Variants in GALNT16 observed in about 807,000 individuals in gnomAD.
GALNT16 encodes polypeptide N-acetylgalactosaminyltransferase 16, also known as UDP-GalNAc:polypeptide N-acetylgalactosaminyltransferase-like protein 1.
In GALNT16, 40 loss-of-function variants were observed where a neutral mutation model predicts 76.1. The ratio of observed to expected loss-of-function variants is 0.53; its 90% CI spans 0.41 to 0.68. The LOEUF is 0.68. GALNT16 is among the 30% of genes least tolerant of loss of function. The pLI, the probability that GALNT16 is intolerant of heterozygous loss-of-function variation, is 0.00. For synonymous variants in GALNT16, 276 were observed against 285.2 expected, an observed-to-expected ratio of 0.97 and a Z score of 0.32; for missense variants, 621 against 731.9, an observed-to-expected ratio of 0.85 and a Z score of 1.75.
chr14:69,260,555 G>T (rs1243699487), intron 1 of GALNT16, 88 bp downstream of exon 1: 2 of 987,692 alleles, frequency 2.0e-6, no homozygotes, highest in Non-Finnish European at 2.6e-6. Flanking sequence ...GCGGGGCCCG[G>T]CCAGGGCTGA....
intron 1 of GALNT16, among the ~76,000 whole-genome samples, chr14:69,286,943 T>C (rs1315249884): frequency 1.3e-5 from 2 of 152,136 alleles, no homozygotes; most frequent in African/African-American, 4.8e-5. Context: ...CTCCACACAA[T>C]TTGCCCTCTT....
intron 1 of GALNT16, among the ~76,000 whole-genome samples, chr14:69,262,075 G>C (rs79594844): frequency 0.064 from 9,717 of 152,350 alleles, 335 homozygotes; most frequent in Middle Eastern, 0.095. Flanking sequence ...CTCTCCAGGA[G>C]CCCAGGCTGC....
intron 1 of GALNT16, among the ~76,000 whole-genome samples, chr14:69,315,257 C>T (rs1483388684): frequency 6.6e-6 from 1 of 152,178 alleles, no homozygotes; most frequent in Non-Finnish European, 1.5e-5. Flanking sequence ...TAATTCTTCC[C>T]ATTTTATAGA....
At chr14:69,318,053 TCAGGGC>T (rs1432415972) in intron 1 of GALNT16, among the ~76,000 whole-genome samples, 1 of 152,144 alleles carries the variant, frequency 6.6e-6, no homozygotes, top group Non-Finnish European at 1.5e-5. Flanking sequence ...CTTCACTGGC[TCAGGGC>T]CAACTGACAT....
chr14:69,319,603 T>C (rs561858332), intron 1 of GALNT16, among the ~76,000 whole-genome samples: 72 of 152,352 alleles, frequency 4.7e-4, no homozygotes, highest in African/African-American at 1.7e-3. Context: ...GTTCAAGTAA[T>C]GAGATGTCAG....
downstream of GALNT16, among the ~76,000 whole-genome samples, chr14:69,361,631 G>C (rs4902715): frequency 6.6e-6 from 1 of 152,194 alleles, no homozygotes; most frequent in East Asian, 1.9e-4. Context: ...CTGATTCTTA[G>C]AATGGAGGTA....
chr14:69,385,570 C>G, the GALNT16 span, among the ~76,000 whole-genome samples: 4 of 150,718 alleles, frequency 2.7e-5, no homozygotes, highest in African/African-American at 9.8e-5. Flanking sequence ...ACTTTTCCCA[C>G]TTAAAAAAAA....
At position 69,316,561 on chromosome 14, in the gene GALNT16, T is replaced by C. The variant is rs868401279; in HGVS notation, c.178-4150T>C. On this transcript the variant is annotated intron_variant, in intron 1 of 14. Coordinates refer to ENST00000448469, the MANE Select transcript of GALNT16 (RefSeq NM_001168368.2). ...GGGGTCACAGAGTTACATGTGGTGGTTGGGGAAGGCTCACAGAGGAGGTGA... is the reference window on the plus strand; with the variant it reads ...GGGGTCACAGAGTTACATGTGGTGGCTGGGGAAGGCTCACAGAGGAGGTGA... Among the ~76,000 whole-genome samples the C allele has an allele frequency of 2.6e-5, 4 of 152,232 alleles. No homozygotes were observed. In the South Asian group the frequency reaches 8.3e-4, roughly 32 times the overall value.
intron 1 of GALNT16, among the ~76,000 whole-genome samples, chr14:69,317,622 C>T (rs2045120698): frequency 6.6e-6 from 1 of 152,192 alleles, no homozygotes; most frequent in South Asian, 2.1e-4. Flanking sequence ...TATGAATACA[C>T]AGGGCAGACA....
chr14:69,332,860 G>A (rs1246538933), intron 7 of GALNT16, among the ~76,000 whole-genome samples: 1 of 143,474 alleles, frequency 7.0e-6, no homozygotes, highest in Non-Finnish European at 1.5e-5. Context: ...TTCATCCCCA[G>A]CTGACATAGT....
chr14:69,342,493 G>GGAGGGAGA (rs2045503420), intron 12 of GALNT16, among the ~76,000 whole-genome samples: 1 of 73,770 alleles, frequency 1.4e-5, no homozygotes, highest in African/African-American at 4.1e-5. Flanking sequence ...AGGGAGGGAG[G>GGAGGGAGA]GAGGGAGGGA....
chr14:69,355,681 T>C (rs1470759854), downstream of GALNT16: 5 of 152,356 alleles, frequency 3.3e-5, no homozygotes, highest in Admixed American at 3.3e-4. Context: ...GTTACGTCAC[T>C]GGCAGGAGAG....
chr14:69,285,951 C>T (rs72722114), intron 1 of GALNT16, among the ~76,000 whole-genome samples: 1 of 152,040 alleles, frequency 6.6e-6, no homozygotes, highest in Non-Finnish European at 1.5e-5. Context: ...CTGACTCCCC[C>T]ACCCGCCCCA....
intron 12 of GALNT16, among the ~76,000 whole-genome samples, chr14:69,342,482 GAGGGAGGGAGGGAGGGAGGGAGGGAGGA>G (rs2045502635): frequency 1.1e-4 from 5 of 44,790 alleles, no homozygotes; most frequent in Non-Finnish European, 2.4e-4. Flanking sequence ...GGAAGGGAGG[GAGGGAGGGAGGGAGGGAGGGAGGGAGGA>G]AGGAAGGGGA....
At chr14:69,289,177 C>T (rs2044657443) in intron 1 of GALNT16, among the ~76,000 whole-genome samples, 1 of 152,198 alleles carries the variant, frequency 6.6e-6, no homozygotes, top group Non-Finnish European at 1.5e-5. Context: ...CATACCCAGT[C>T]AAATAGAAGT....
chr14:69,288,497 G>A (rs2044646328), intron 1 of GALNT16, among the ~76,000 whole-genome samples: 1 of 152,226 alleles, frequency 6.6e-6, no homozygotes, highest in African/African-American at 2.4e-5. Context: ...TCTCCCACCA[G>A]TAACCCTGGC....
chr14:69,261,446 G>C lies in GALNT16; in HGVS notation c.177+979G>C, dbSNP rs1316668668. Among the ~76,000 whole-genome samples the C allele has an allele frequency of 6.6e-6, 1 of 152,184 alleles. No individual in the cohort carries two copies. The highest frequency in any genetic ancestry group is 6.5e-5 in the Admixed American group (1 of 15,292). On this transcript the variant is annotated intron_variant, in intron 1 of 14. Transcript: ENST00000448469. This position sits in a 1 kb window ranked among gnomAD's most constrained non-coding sequence, Gnocchi z 6.4. ...CCAGACGGGGGCGGTTGGTGGACGA[G>C]AGCCTCGGACGACCCTCGGGAACTA... is the stretch of plus-strand genomic sequence containing the variant.
intron 1 of GALNT16, among the ~76,000 whole-genome samples, chr14:69,277,205 C>T (rs2044482252): frequency 6.6e-6 from 1 of 152,040 alleles, no homozygotes; most frequent in South Asian, 2.1e-4. Context: ...GACAAAAAGC[C>T]TTTATTATTA....
In GALNT16 at chr14:69,281,496, AAAG is replaced by A. The variant is rs1394738660; in HGVS notation, c.177+21033_177+21035del. Among the ~76,000 whole-genome samples the A allele has an allele frequency of 3.9e-5, 6 of 152,302 alleles. No homozygotes were observed. In the East Asian group the frequency reaches 1.2e-3, roughly 29 times the overall value. On this transcript the variant is annotated intron_variant, in intron 1 of 14. Coordinates refer to ENST00000448469, the MANE Select transcript of GALNT16 (RefSeq NM_001168368.2). The stretch of plus-strand genomic sequence containing the variant: ...GGGATGGAGGAAAAGGATGAGAGGA[AAAG>A]AAGGACAATTGCAAAGCTGGTGGAC...
Sources: gnomAD v4.1 joint callset for allele counts (sites outside exome capture counted in the v4.1 genomes callset) on GRCh38, gnomAD v4.1.1 for gene constraint, Gnocchi (gnomAD v3.1) non-coding constraint, MANE v1.5 for transcripts, NCBI Gene and HGNC (gene_info 2026-07-23, HGNC 2026-07-21) for gene names.